The following CNIH3 variants were observed in gnomAD, a reference collection of about 807,000 sequenced individuals.
The protein encoded by CNIH3 is cornichon family AMPA receptor auxiliary protein 3, also known as protein cornichon homolog 3.
CNIH3 carries 14 observed loss-of-function variants against 24.1 expected under a neutral mutation model. That is an observed-to-expected ratio of 0.58 (90% CI 0.38 to 0.91). CNIH3 has a LOEUF of 0.91. Ranked by LOEUF, CNIH3 falls within the 40% of genes least tolerant of loss-of-function variation. The pLI is 0.00. For synonymous variants in CNIH3, 68 were observed against 73.8 expected (o/e 0.92, Z 0.40); for missense variants, 178 against 196.8 (o/e 0.90, Z 0.57).
chr1:224,540,855 A>G (rs2124948639), downstream of CNIH3, among the ~76,000 whole-genome samples: 1 of 152,338 alleles, frequency 6.6e-6, no homozygotes, highest in Non-Finnish European at 1.5e-5. Flanking sequence ...ACAATTTTGC[A>G]TTTCTCATTA....
chr1:224,706,862 A>G (rs1356772377), intron 3 of CNIH3, among the ~76,000 whole-genome samples: 2 of 149,924 alleles, frequency 1.3e-5, no homozygotes, highest in Non-Finnish European at 3.0e-5. Context: ...TCCCAATCCT[A>G]TTGACTTTTC....
At chr1:224,441,216 C>T (rs1279449470) in intron 1 of CNIH3, among the ~76,000 whole-genome samples, 2 of 152,224 alleles carry the variant, frequency 1.3e-5, no homozygotes, top group East Asian at 1.9e-4. Flanking sequence ...CTAAAGCACA[C>T]GTTTTTAAAA....
At chr1:224,644,778 C>T (rs751210129) in intron 1 of CNIH3, among the ~76,000 whole-genome samples, 20 of 152,318 alleles carry the variant, frequency 1.3e-4, no homozygotes, top group Non-Finnish European at 2.4e-4. Context: ...GTGCTGAAGA[C>T]GCCTCCAAGT....
At chr1:224,527,382 C>CT (rs1353613554) in intron 2 of CNIH3, among the ~76,000 whole-genome samples, 1 of 152,292 alleles carries the variant, frequency 6.6e-6, no homozygotes, top group East Asian at 1.9e-4. Flanking sequence ...AATACTGTTT[C>CT]TTACTGCAGG....
intron 1 of CNIH3, among the ~76,000 whole-genome samples, chr1:224,439,138 T>C (rs1195130601): frequency 1.3e-5 from 2 of 152,198 alleles, no homozygotes; most frequent in Non-Finnish European, 2.9e-5. Context: ...TCTGGCAGTT[T>C]TACCTGCTGT....
chr1:224,666,312 C>A (rs1003153787), intron 1 of CNIH3, among the ~76,000 whole-genome samples: 1 of 152,166 alleles, frequency 6.6e-6, no homozygotes, highest in Non-Finnish European at 1.5e-5. Context: ...TGCTTTCTGA[C>A]TGCCCTTGGC....
At chr1:224,435,682 G>A (rs956727395) in intron 1 of CNIH3, 3 of 152,192 alleles carry the variant, frequency 2.0e-5, no homozygotes, top group Non-Finnish European at 2.9e-5. Context: ...AAATTTTTAC[G>A]TGGCATGTGA....
chr1:224,638,817 T>C (rs1246629837), intron 1 of CNIH3, among the ~76,000 whole-genome samples: 3 of 152,246 alleles, frequency 2.0e-5, no homozygotes, highest in African/African-American at 7.2e-5. Context: ...GTTCATCACC[T>C]TGTCAATACT....
At position 224,684,687 on chromosome 1, in the gene CNIH3, C is replaced by G; in HGVS notation, c.151-109C>G. The G allele has an allele frequency of 1.1e-6, 1 of 940,766 alleles. No homozygotes were observed. The highest frequency in any genetic ancestry group is 1.7e-6 in the Non-Finnish European group (1 of 572,656). 58.3% of individuals were successfully genotyped at this position (940,766 alleles called of 1,614,324 possible). On this transcript the variant is annotated intron_variant, in intron 2 of 5. Coordinates refer to ENST00000272133, the MANE Select transcript of CNIH3 (RefSeq NM_152495.2). This position sits in a 1 kb window ranked among gnomAD's most constrained non-coding sequence, Gnocchi z 4.2. Reference sequence around the variant, plus strand: ...TGCTGGCCATGTGCCCAGGAGGGGTCTCTGGTGGCTTCTGCCTCCACTATT... The same window carrying G: ...TGCTGGCCATGTGCCCAGGAGGGGTGTCTGGTGGCTTCTGCCTCCACTATT...
intron 3 of CNIH3, among the ~76,000 whole-genome samples, chr1:224,596,970 T>C (rs1384332695): frequency 6.6e-6 from 1 of 151,978 alleles, no homozygotes; most frequent in Non-Finnish European, 1.5e-5. Flanking sequence ...CTGGCCAACG[T>C]GGTGAAACCC....
downstream of CNIH3, among the ~76,000 whole-genome samples, chr1:224,540,900 T>G (rs968457843): frequency 1.3e-5 from 2 of 152,232 alleles, no homozygotes; most frequent in Admixed American, 1.3e-4. Context: ...TGTTCAACTT[T>G]CGAAAACTAG....
chr1:224,634,716 G>T (rs1259089416), intron 1 of CNIH3, among the ~76,000 whole-genome samples: 1 of 151,996 alleles, frequency 6.6e-6, no homozygotes, highest in African/African-American at 2.4e-5. Context: ...TGGAGCATAA[G>T]CCCTTGCCTC....
chr1:224,446,944 G>T (rs1328535058), intron 1 of CNIH3, among the ~76,000 whole-genome samples: 1 of 152,118 alleles, frequency 6.6e-6, no homozygotes, highest in East Asian at 1.9e-4. Context: ...CTTCTAGCCT[G>T]GGTGCCCATG....
chr1:224,595,880 A>G (rs1322265945), intron 3 of CNIH3, among the ~76,000 whole-genome samples: 4 of 152,230 alleles, frequency 2.6e-5, no homozygotes, highest in African/African-American at 4.8e-5. Flanking sequence ...CTTCAATTCT[A>G]TGAGGGCTGA....
chr1:224,443,533 T>C (rs1675007062), intron 1 of CNIH3, among the ~76,000 whole-genome samples: 1 of 152,054 alleles, frequency 6.6e-6, no homozygotes, highest in East Asian at 1.9e-4. Flanking sequence ...AAAGGTCAGC[T>C]CAGGGAGAAT....
intron 5 of CNIH3, among the ~76,000 whole-genome samples, chr1:224,738,710 A>C (rs901525135): frequency 6.6e-6 from 1 of 151,946 alleles, no homozygotes; most frequent in Admixed American, 6.6e-5. Flanking sequence ...TGTCCCCTTC[A>C]CCCCACTCTT....
chr1:224,621,952 AG>A (rs1683303309), intron 1 of CNIH3, among the ~76,000 whole-genome samples: 1 of 152,054 alleles, frequency 6.6e-6, no homozygotes. Context: ...AAGTCTCATG[AG>A]ATCTGATGGT....
At chr1:224,548,052 G>T (rs1212920592) in intron 3 of CNIH3, among the ~76,000 whole-genome samples, 1 of 151,794 alleles carries the variant, frequency 6.6e-6, no homozygotes, top group Non-Finnish European at 1.5e-5. Context: ...TAACATCTCA[G>T]GGAGATACTT....
rs574520246 is a variant in CNIH3 at position 224,610,463 on chromosome 1, C to T, written n.402+44199C>T. On this transcript the variant is annotated intron_variant and non_coding_transcript_variant, in intron 3 of 7. Transcript: ENST00000478120. ...AAGTGTTTGGCAATTCCCTTTCACT[C>T]TCTCTCTCTTTCTCTCTCCTGCTGC... Among the ~76,000 whole-genome samples, 40 of 152,118 alleles carry T rather than the reference C, an allele frequency of 2.6e-4. 1 individual carries two copies. The highest frequency in any genetic ancestry group is 7.9e-4 in the Admixed American group (12 of 15,270).
Sources: gnomAD v4.1 joint callset for allele counts (sites outside exome capture counted in the v4.1 genomes callset) on GRCh38, gnomAD v4.1.1 for gene constraint, Gnocchi (gnomAD v3.1) non-coding constraint, MANE v1.5 for transcripts, NCBI Gene and HGNC (gene_info 2026-07-23, HGNC 2026-07-21) for gene names.